The following SIPA1L1 variants were observed in gnomAD, a reference collection of about 807,000 sequenced individuals.
SIPA1L1 encodes signal-induced proliferation-associated 1-like protein 1.
Under a neutral mutation model 162.7 loss-of-function variants are expected in SIPA1L1, and 26 were observed. That is an observed-to-expected ratio of 0.16 (90% CI 0.12 to 0.22). The LOEUF (loss-of-function observed/expected upper bound fraction) is 0.22, where lower values mean the gene tolerates loss of function less well. Ranked by LOEUF, SIPA1L1 falls within the 10% of genes least tolerant of loss-of-function variation. The pLI is 1.00. For missense variants in SIPA1L1, 1,874 were observed against 2,241.0 expected (o/e 0.84, Z 3.31); for synonymous variants, 829 against 837.4 (o/e 0.99, Z 0.17).
intron 7 of SIPA1L1, among the ~76,000 whole-genome samples, chr14:71,646,178 CTT>C (rs756484967): frequency 2.1e-5 from 3 of 142,026 alleles, no homozygotes. Context: ...TTTCTTTCTA[CTT>C]TTTTTTTTTT....
At chr14:71,419,817 A>G (rs7154208) in intron 2 of SIPA1L1, among the ~76,000 whole-genome samples, 66,017 of 151,738 alleles carry the variant, frequency 0.44, 15,125 homozygotes, top group Admixed American at 0.52. Context: ...TCTTGAGGCA[A>G]AGAGTTCAAA....
chr14:71,368,156 C>CTTTTTTTTTT (rs2038532605), intron 2 of SIPA1L1, among the ~76,000 whole-genome samples: 1 of 106,066 alleles, frequency 9.4e-6, no homozygotes, highest in African/African-American at 3.5e-5. Flanking sequence ...TTTTTTTTTT[C>CTTTTTTTTTT]TTTCTTTTTT....
intron 12 of SIPA1L1, among the ~76,000 whole-genome samples, chr14:71,681,356 G>C (rs1303421733): frequency 1.3e-5 from 2 of 152,226 alleles, no homozygotes; most frequent in Non-Finnish European, 2.9e-5. Context: ...ACTAAATTGT[G>C]ATGTTCTGGA....
At chr14:71,440,150 T>C (rs2044720852) in intron 2 of SIPA1L1, among the ~76,000 whole-genome samples, 1 of 152,154 alleles carries the variant, frequency 6.6e-6, no homozygotes, top group South Asian at 2.1e-4. Context: ...CTCAGTCTCC[T>C]GAGTAGCTGG....
intron 4 of SIPA1L1, among the ~76,000 whole-genome samples, chr14:71,579,560 CA>C (rs1283456456): frequency 1.3e-5 from 2 of 152,134 alleles, no homozygotes; most frequent in Non-Finnish European, 2.9e-5. Flanking sequence ...GATAACGGTA[CA>C]GTCAGACAGA....
At chr14:71,626,371 C>T (rs552243794) in intron 7 of SIPA1L1, among the ~76,000 whole-genome samples, 2 of 152,180 alleles carry the variant, frequency 1.3e-5, no homozygotes, top group South Asian at 2.1e-4. Context: ...TAAAGAGCAC[C>T]GGGGGTTAGC....
At chr14:71,597,716 C>G (rs1280886911) in intron 5 of SIPA1L1, among the ~76,000 whole-genome samples, 1 of 152,196 alleles carries the variant, frequency 6.6e-6, no homozygotes, top group Admixed American at 6.5e-5. Context: ...AGGGTATACA[C>G]TGGAATAGGT....
At chr14:71,440,646 CAAAAAAAAAA>C (rs397853535) in intron 2 of SIPA1L1, among the ~76,000 whole-genome samples, 16 of 55,686 alleles carry the variant, frequency 2.9e-4, no homozygotes, top group East Asian at 6.6e-4. Context: ...GAACCCATCT[CAAAAAAAAAA>C]AAAAAAAAAA....
intron 2 of SIPA1L1, among the ~76,000 whole-genome samples, chr14:71,494,858 C>T (rs975148599): frequency 6.6e-6 from 1 of 152,068 alleles, no homozygotes; most frequent in Non-Finnish European, 1.5e-5. Context: ...TCAGGCTGGT[C>T]TCAAACTCCT....
At chr14:71,635,837 T>C (rs148905264) in intron 7 of SIPA1L1, among the ~76,000 whole-genome samples, 30 of 152,300 alleles carry the variant, frequency 2.0e-4, no homozygotes, top group African/African-American at 7.0e-4. Flanking sequence ...ACTATAGAGT[T>C]ACTTGAAATA....
At chr14:71,440,202 A>G (rs903277903) in intron 2 of SIPA1L1, among the ~76,000 whole-genome samples, 4 of 151,496 alleles carry the variant, frequency 2.6e-5, no homozygotes, top group Non-Finnish European at 4.4e-5. Context: ...ATTTTTTTCT[A>G]TTTTAGTAGA....
intron 6 of SIPA1L1, 90 bp downstream of exon 6, chr14:71,618,977 A>T: frequency 7.2e-7 from 1 of 1,379,956 alleles, no homozygotes; most frequent in Non-Finnish European, 1.0e-6. Flanking sequence ...ATTTAATAGC[A>T]CATGGTTACA....
intron 2 of SIPA1L1, among the ~76,000 whole-genome samples, chr14:71,395,783 A>G (rs1041119179): frequency 2.6e-5 from 4 of 152,188 alleles, no homozygotes; most frequent in Non-Finnish European, 4.4e-5. Context: ...GGCCCAGTAT[A>G]TGGAGGGATT....
intron 4 of SIPA1L1, among the ~76,000 whole-genome samples, chr14:71,556,492 C>A (rs550582444): frequency 6.6e-6 from 1 of 152,246 alleles, no homozygotes; most frequent in East Asian, 1.9e-4. Flanking sequence ...GGCCTCCAGA[C>A]TTCTGACTGA....
At chr14:71,354,745 A>C (rs567996309) in intron 2 of SIPA1L1, among the ~76,000 whole-genome samples, 38 of 152,196 alleles carry the variant, frequency 2.5e-4, no homozygotes, top group Non-Finnish European at 5.0e-4. Context: ...CCAAGCTCTA[A>C]GTTTTCCTAA....
chr14:71,577,730 C>CT (rs5809525), intron 4 of SIPA1L1, among the ~76,000 whole-genome samples: 74,592 of 97,140 alleles, frequency 0.77, 29,627 homozygotes, highest in East Asian at 0.88. Flanking sequence ...TTGGGCATGC[C>CT]TTTTTTTTTT....
At chr14:71,546,547 A>C (rs758530944) in intron 4 of SIPA1L1, among the ~76,000 whole-genome samples, 3 of 151,414 alleles carry the variant, frequency 2.0e-5, no homozygotes, top group Admixed American at 6.6e-5. Flanking sequence ...ACGCCTGGCT[A>C]ATTTTTGCAT....
At chr14:71,491,197 T>G (rs2049219831) in intron 2 of SIPA1L1, among the ~76,000 whole-genome samples, 1 of 152,220 alleles carries the variant, frequency 6.6e-6, no homozygotes, top group African/African-American at 2.4e-5. Flanking sequence ...TAATTTCAGT[T>G]TTGTTTTTCC....
chr14:71,550,498 GAGTTCA>G (rs1325065090), intron 4 of SIPA1L1, among the ~76,000 whole-genome samples: 16 of 152,128 alleles, frequency 1.1e-4, no homozygotes, highest in Non-Finnish European at 2.2e-4. Flanking sequence ...TCAAAACATG[GAGTTCA>G]AGTCTGAAGG....
Sources: allele counts gnomAD v4.1 joint callset (sites outside exome capture counted in the v4.1 genomes callset), GRCh38; gene constraint gnomAD v4.1.1; transcripts MANE v1.5; gene names NCBI Gene and HGNC (gene_info 2026-07-23, HGNC 2026-07-21).